AP1M1: variants seen among roughly 807,000 people sequenced by gnomAD.
AP1M1 encodes AP-1 complex subunit mu-1.
Under a neutral mutation model 57.1 loss-of-function variants are expected in AP1M1, and 18 were observed. The observed-to-expected ratio is 0.32, with a 90% confidence interval of 0.22 to 0.47. The LOEUF (loss-of-function observed/expected upper bound fraction) is 0.47, where lower values mean the gene tolerates loss of function less well. AP1M1 is among the 20% of genes least tolerant of loss of function. AP1M1 has a pLI of 1.00. For synonymous variants in AP1M1, 241 were observed against 237.9 expected (o/e 1.01, Z -0.12); for missense variants, 362 against 593.5 (o/e 0.61, Z 4.05).
chr19:16,233,892 C>G (rs1225173915), intron 10 of AP1M1, among the ~76,000 whole-genome samples: 2 of 152,168 alleles, frequency 1.3e-5, no homozygotes, highest in Non-Finnish European at 2.9e-5. Flanking sequence ...CTGGCACCCC[C>G]TCAAAAGCCC....
intron 5 of AP1M1, among the ~76,000 whole-genome samples, chr19:16,209,993 C>G (rs571282504): frequency 6.6e-6 from 1 of 152,204 alleles, no homozygotes; most frequent in Non-Finnish European, 1.5e-5. Context: ...CCCCTCTTCC[C>G]CATTTCCTGG....
chr19:16,226,682 C>T (rs1184033429), intron 6 of AP1M1, 135 bp downstream of exon 6: 2 of 1,100,060 alleles, frequency 1.8e-6, no homozygotes, highest in Admixed American at 5.0e-5. Flanking sequence ...CTTCACACTG[C>T]TTGAGACAGC....
At chr19:16,231,017 T>A (rs192951530) in intron 9 of AP1M1, among the ~76,000 whole-genome samples, 1 of 151,878 alleles carries the variant, frequency 6.6e-6, no homozygotes, top group Non-Finnish European at 1.5e-5. Flanking sequence ...GGCCAGGCGC[T>A]GTGGCTCACG....
chr19:16,200,747 C>T (rs1278567968), intron 1 of AP1M1, among the ~76,000 whole-genome samples: 1 of 152,256 alleles, frequency 6.6e-6, no homozygotes, highest in Non-Finnish European at 1.5e-5. Context: ...TTCTCAGCAG[C>T]TTCTGACACC....
At position 16,238,618 on chromosome 19, in the gene AP1M1, G is replaced by A. The variant is rs1238269098; in HGVS notation, c.*4183G>A. On this transcript the variant is annotated 3_prime_UTR_variant, in exon 12 of 12. Coordinates refer to ENST00000291439, the MANE Select transcript of AP1M1 (RefSeq NM_032493.4). ...AAAATTCACATCCCTGGTTATCTCTGAAAGGCAAAAACAGGAAGGGGGTAT... is the reference window on the plus strand; with the variant it reads ...AAAATTCACATCCCTGGTTATCTCTAAAAGGCAAAAACAGGAAGGGGGTAT... 1 of 152,026 alleles carries A rather than the reference G, an allele frequency of 6.6e-6. No individual in the cohort carries two copies. Among genetic ancestry groups the A allele is most frequent in the African/African-American group, 2.4e-5 (1 of 41,388 alleles). 9.4% of individuals were successfully genotyped at this position (152,026 alleles called of 1,614,324 possible). A position where few individuals can be genotyped will look rare whatever the true frequency, so the allele number is the denominator to read the frequency against.
At chr19:16,222,193 A>G (rs1430023020) in intron 5 of AP1M1, among the ~76,000 whole-genome samples, 2 of 117,336 alleles carry the variant, frequency 1.7e-5, no homozygotes, top group African/African-American at 6.4e-5. Context: ...TATTATTATT[A>G]TTACTATTAT....
chr19:16,233,416 A>G (rs2091607393), intron 9 of AP1M1, 77 bp from the exon 10 acceptor site: 4 of 1,457,046 alleles, frequency 2.7e-6, no homozygotes, highest in Middle Eastern at 4.6e-4. Flanking sequence ...GTCTCTGCCC[A>G]TCGCCACTAG....
At chr19:16,230,522 T>C (rs2091591527) in intron 9 of AP1M1, among the ~76,000 whole-genome samples, 1 of 152,078 alleles carries the variant, frequency 6.6e-6, no homozygotes, top group Admixed American at 6.6e-5. Flanking sequence ...TGCCTCAGCG[T>C]CCTGAGCAGC....
rs1455516392 is a variant in AP1M1 at position 16,203,038 on chromosome 19, G to C, written c.43-421G>C. ...GAGGGCTTCTCCCTTCAGGCCACCT[G>C]TGGACTTCAGTAAATACGAACCTTC... On this transcript the variant is annotated intron_variant, in intron 1 of 11. Coordinates refer to ENST00000291439, the MANE Select transcript of AP1M1 (RefSeq NM_032493.4). The surrounding 1 kb of genome is among the most constrained non-coding windows in gnomAD (Gnocchi z 4.6). The C allele has an allele frequency of 6.0e-5, 13 of 217,348 alleles. No homozygotes were observed. The allele number at this position is 217,348 out of a possible 1,614,324, so 13.5% of individuals were successfully genotyped here. A position where few individuals can be genotyped will look rare whatever the true frequency, so the allele number is the denominator to read the frequency against.
intron 9 of AP1M1, among the ~76,000 whole-genome samples, 181 bp downstream of exon 9, chr19:16,229,109 G>T (rs2091584756): frequency 6.6e-6 from 1 of 152,240 alleles, no homozygotes; most frequent in Non-Finnish European, 1.5e-5. Flanking sequence ...AGCAGAGGCT[G>T]ACTCGGCCCC....
rs546107938 is a variant in AP1M1 at position 16,219,405 on chromosome 19, T to TG, written c.547-7016_547-7015insG. The stretch of plus-strand genomic sequence containing the variant: ...ATTCATTTTTGTTTTTTTGTTTTTT[T>TG]TTTTTTTTTGAGATGGAATTTCGCT... On this transcript the variant is annotated intron_variant, in intron 5 of 11. Coordinates refer to ENST00000291439, the MANE Select transcript of AP1M1 (RefSeq NM_032493.4). 1.9e-3 allele frequency among the ~76,000 whole-genome samples: 289 copies of TG among 151,680 alleles called. 2 individuals carry two copies. The highest frequency in any genetic ancestry group is 6.7e-3 in the African/African-American group (278 of 41,426).
intron 1 of AP1M1, among the ~76,000 whole-genome samples, chr19:16,199,593 C>A (rs1015474200): frequency 1.3e-5 from 2 of 152,156 alleles, no homozygotes; most frequent in Non-Finnish European, 2.9e-5. Context: ...TGCCCCTTCC[C>A]GCCCCACCCC....
chr19:16,199,780 G>A (rs1249675610), intron 1 of AP1M1, among the ~76,000 whole-genome samples: 1 of 152,172 alleles, frequency 6.6e-6, no homozygotes, highest in Admixed American at 6.5e-5. Flanking sequence ...AGTCCTGGTG[G>A]AATGAGTCTT....
chr19:16,236,835 G>A lies in AP1M1; in HGVS notation c.*2400G>A, dbSNP rs190282588. ...CACACAATAGACCCTCAACATGAGGGCACATCCTGAAAATTACAAAACACG... is the reference window on the plus strand; with the variant it reads ...CACACAATAGACCCTCAACATGAGGACACATCCTGAAAATTACAAAACACG... On this transcript the variant is annotated 3_prime_UTR_variant, in exon 12 of 12. Coordinates refer to ENST00000291439, the MANE Select transcript of AP1M1 (RefSeq NM_032493.4). 1.3e-5 allele frequency: 2 copies of A among 152,184 alleles called. No individual in the cohort carries two copies. The highest frequency in any genetic ancestry group is 2.9e-5 in the Non-Finnish European group (2 of 68,046). 9.4% of individuals were successfully genotyped at this position (152,184 alleles called of 1,614,324 possible).
intron 9 of AP1M1, among the ~76,000 whole-genome samples, chr19:16,231,860 G>A (rs59688685): frequency 0.012 from 1,818 of 152,334 alleles, 44 homozygotes; most frequent in African/African-American, 0.041. Context: ...GTGCCATAGT[G>A]TAGGCTATTT....
In AP1M1 at chr19:16,245,111, G is replaced by T. The variant is rs1384661776; in HGVS notation, c.*10676G>T. The stretch of plus-strand genomic sequence containing the variant: ...GGGTTTCTCCATGTTGGTCAGGCTG[G>T]TCTCAAACTCCCGACCTCAGGTGAT... On this transcript the variant is annotated 3_prime_UTR_variant, in exon 12 of 12. Transcript: ENST00000291439. The T allele has an allele frequency of 6.6e-6, 1 of 151,876 alleles. No individual in the cohort carries two copies. Among genetic ancestry groups the T allele is most frequent in the East Asian group, 2.0e-4 (1 of 5,104 alleles). The allele number at this position is 151,876 out of a possible 1,614,324, so 9.4% of individuals were successfully genotyped here.
Position 16,222,185 on chromosome 19 carries a change from TTATTATTATTAC to T in AP1M1, c.547-4224_547-4213del, listed in dbSNP as rs201774538. Among the ~76,000 whole-genome samples, 428 of 132,244 alleles carry T rather than the reference TTATTATTATTAC, an allele frequency of 3.2e-3. 26 individuals carry two copies. Among genetic ancestry groups the T allele is most frequent in the South Asian group, 4.2e-3 (18 of 4,278 alleles). The allele number at this position is 132,244 out of a possible 152,430, so 86.8% of individuals were successfully genotyped here. On this transcript the variant is annotated intron_variant, in intron 5 of 11. Transcript: ENST00000291439. ...TTTCCTGTTTATCTCCATTCTGTTA[TTATTATTATTAC>T]TATTATTATTATTATTTTTTTTTTT...
In AP1M1 at chr19:16,222,526, T is replaced by G. The variant is rs1007016721; in HGVS notation, c.547-3895T>G. ...CTGTACCTGGCCTCCATTCTGCTAT[T>G]AAGTCCATTGAGCAAGTTGTTTATT... On this transcript the variant is annotated intron_variant, in intron 5 of 11. Coordinates refer to ENST00000291439, the MANE Select transcript of AP1M1 (RefSeq NM_032493.4). 2.0e-5 allele frequency among the ~76,000 whole-genome samples: 3 copies of G among 152,314 alleles called. No individual in the cohort carries two copies. In the East Asian group the frequency reaches 5.8e-4, roughly 29 times the overall value.
At position 16,244,498 on chromosome 19, in the gene AP1M1, C is replaced by A. The variant is rs1179992206; in HGVS notation, c.*10063C>A. On this transcript the variant is annotated 3_prime_UTR_variant, in exon 12 of 12. Transcript: ENST00000291439. ...TTTTTTAAGTGATAGAATTATACAA[C>A]AGGAAAAAAAGTCTGCAGGGAGTAA... 6.6e-6 allele frequency: 1 copy of A among 151,926 alleles called. No homozygotes were observed. The highest frequency in any genetic ancestry group is 1.9e-4 in the East Asian group (1 of 5,178). 9.4% of individuals were successfully genotyped at this position (151,926 alleles called of 1,614,324 possible).
Sources: gnomAD v4.1 joint callset for allele counts (sites outside exome capture counted in the v4.1 genomes callset) on GRCh38, gnomAD v4.1.1 for gene constraint, Gnocchi (gnomAD v3.1) non-coding constraint, MANE v1.5 for transcripts, NCBI Gene and HGNC (gene_info 2026-07-23, HGNC 2026-07-21) for gene names.